Variants in ZNF254 observed in about 807,000 individuals in gnomAD.
ZNF254 encodes the protein CTD-2017D11.1.
ZNF254 carries 10 observed loss-of-function variants against 12.4 expected under a neutral mutation model. The observed-to-expected ratio is 0.80, with a 90% CI of 0.50 to 1.36. ZNF254 has a LOEUF of 1.36. Ranked by LOEUF, ZNF254 falls within the 40% of genes most tolerant of loss-of-function variation. The pLI is 0.00. For missense variants in ZNF254, 996 were observed against 763.9 expected (o/e 1.30, Z -3.58); for synonymous variants, 305 against 253.4 (o/e 1.20, Z -1.93).
intron 3 of ZNF254, among the ~76,000 whole-genome samples, chr19:24,123,250 C>T (rs1181399676): frequency 2.0e-5 from 3 of 152,150 alleles, no homozygotes; most frequent in Non-Finnish European, 2.9e-5. Flanking sequence ...TATACTCGTA[C>T]TCCATTTTAC....
At chr19:24,111,162 C>G (rs1393325837) in intron 3 of ZNF254, among the ~76,000 whole-genome samples, 2 of 136,192 alleles carry the variant, frequency 1.5e-5, no homozygotes, top group African/African-American at 5.5e-5. Context: ...TTCATGTGTT[C>G]TCATTGTTCA....
At chr19:24,034,931 C>A (rs1231586604) in intron 1 of ZNF254, among the ~76,000 whole-genome samples, 1 of 145,944 alleles carries the variant, frequency 6.9e-6, no homozygotes, top group East Asian at 2.0e-4. Context: ...TTACAGGCAC[C>A]TGCCGTCATG....
chr19:24,087,159 G>A (rs1972070676), upstream of ZNF254: 18 of 1,024,766 alleles, frequency 1.8e-5, no homozygotes, highest in South Asian at 2.1e-4. Context: ...AGCTGGACTG[G>A]ACAAAGCGGC....
chr19:24,111,369 T>G (rs968331547), intron 3 of ZNF254, among the ~76,000 whole-genome samples: 3 of 152,174 alleles, frequency 2.0e-5, no homozygotes, highest in Non-Finnish European at 4.4e-5. Flanking sequence ...ACATTTGGGT[T>G]GGTTCCAAGT....
chr19:24,091,891 T>C (rs910455081), intron 1 of ZNF254: 12 of 970,578 alleles, frequency 1.2e-5, no homozygotes, highest in Non-Finnish European at 1.5e-5. Flanking sequence ...ATTTTTTTTT[T>C]TTTTTTGAGA....
chr19:24,125,904 C>G lies in ZNF254; in HGVS notation c.254-350C>G, dbSNP rs1974801536. Among the ~76,000 whole-genome samples, 4 of 152,184 alleles carry G rather than the reference C, an allele frequency of 2.6e-5. 1 individual carries two copies. The South Asian group carries it at 8.3e-4, about 31-fold the overall frequency. ...CCGGTATTTTACCTTTCTTTTAAAACAGAAACCAAGAGTTGGCAATTTACT... is the reference window on the plus strand; with the variant it reads ...CCGGTATTTTACCTTTCTTTTAAAAGAGAAACCAAGAGTTGGCAATTTACT... On this transcript the variant is annotated intron_variant, in intron 3 of 3. Coordinates refer to ENST00000357002, the MANE Select transcript of ZNF254 (RefSeq NM_203282.4).
intron 2 of ZNF254, among the ~76,000 whole-genome samples, chr19:24,081,263 A>T (rs1050080799): frequency 6.6e-6 from 1 of 152,054 alleles, no homozygotes; most frequent in Non-Finnish European, 1.5e-5. Context: ...TAACTTCCTT[A>T]TCATGCCCGG....
intron 1 of ZNF254, among the ~76,000 whole-genome samples, chr19:24,096,332 T>C (rs937697561): frequency 1.3e-5 from 2 of 152,184 alleles, no homozygotes; most frequent in Non-Finnish European, 2.9e-5. Flanking sequence ...GTGCTGGGAT[T>C]ACAGGTATGA....
intron 1 of ZNF254, chr19:24,033,766 G>C (rs1599554403): frequency 4.8e-6 from 1 of 207,162 alleles, no homozygotes; most frequent in Non-Finnish European, 1.0e-5. Context: ...CAAGATGGCG[G>C]CTGGGCCCGC....
At chr19:24,093,507 GTGC>G (rs1972511995) in intron 1 of ZNF254, among the ~76,000 whole-genome samples, 1 of 152,028 alleles carries the variant, frequency 6.6e-6, no homozygotes, top group Admixed American at 6.5e-5. Flanking sequence ...CTTCTACATA[GTGC>G]TTGCTAGTTA....
intron 2 of ZNF254, among the ~76,000 whole-genome samples, chr19:24,076,747 T>C (rs1223201733): frequency 2.0e-5 from 3 of 152,226 alleles, no homozygotes; most frequent in Non-Finnish European, 4.4e-5. Context: ...CCGTTAATAC[T>C]TCTGAATAGA....
chr19:24,093,331 G>A (rs758885095), intron 1 of ZNF254, among the ~76,000 whole-genome samples: 2 of 152,000 alleles, frequency 1.3e-5, no homozygotes, highest in Non-Finnish European at 2.9e-5. Flanking sequence ...TTTTTTTGCA[G>A]TTGCTTTTTG....
chr19:24,090,943 ATTTTTTT>A (rs869068959), intron 1 of ZNF254, among the ~76,000 whole-genome samples: 3 of 89,634 alleles, frequency 3.3e-5, no homozygotes, highest in African/African-American at 4.7e-5. Context: ...TGGAGGAGTG[ATTTTTTT>A]TTTTTTTTTT....
chr19:24,125,990 C>A (rs1474013947), intron 3 of ZNF254, among the ~76,000 whole-genome samples: 1 of 152,140 alleles, frequency 6.6e-6, no homozygotes. Flanking sequence ...ATTTAACAGA[C>A]TTTTCTTTTT....
chr19:24,115,236 T>C (rs1030882117), intron 3 of ZNF254, among the ~76,000 whole-genome samples: 1 of 151,932 alleles, frequency 6.6e-6, no homozygotes, highest in African/African-American at 2.4e-5. Flanking sequence ...GTATGTTTAT[T>C]GTGGCAGTTT....
chr19:24,106,756 A>G (rs1222840228), intron 3 of ZNF254, 113 bp downstream of exon 3: 2 of 1,010,462 alleles, frequency 2.0e-6, no homozygotes, highest in African/African-American at 3.3e-5. Context: ...AGTTTCTGGG[A>G]AGCCTAAATT....
chr19:24,038,732 C>T (rs1970053172), intron 1 of ZNF254, among the ~76,000 whole-genome samples: 1 of 152,176 alleles, frequency 6.6e-6, no homozygotes, highest in South Asian at 2.1e-4. Flanking sequence ...AGTCTGCAGG[C>T]AGAATGGCCT....
At chr19:24,034,834 A>G (rs1221734094) in intron 1 of ZNF254, among the ~76,000 whole-genome samples, 1 of 148,060 alleles carries the variant, frequency 6.8e-6, no homozygotes, top group African/African-American at 2.5e-5. Context: ...CCCAGGCTGG[A>G]GTGCAGTGGT....
At chr19:24,097,841 A>G (rs1239002166) in intron 1 of ZNF254, among the ~76,000 whole-genome samples, 1 of 149,810 alleles carries the variant, frequency 6.7e-6, no homozygotes, top group African/African-American at 2.4e-5. Context: ...CAAGCAAACA[A>G]CAACAAAAAA....
Sources: allele counts gnomAD v4.1 joint callset (sites outside exome capture counted in the v4.1 genomes callset), GRCh38; gene constraint gnomAD v4.1.1; transcripts MANE v1.5; gene names NCBI Gene and HGNC (gene_info 2026-07-23, HGNC 2026-07-21).